Variants in FCHO2 observed in about 807,000 individuals in gnomAD.
FCHO2 encodes FCH and mu domain containing endocytic adaptor 2, also known as F-BAR domain only protein 2.
Under a neutral mutation model 114.1 loss-of-function variants are expected in FCHO2, and 43 were observed. The ratio of observed to expected loss-of-function variants is 0.38; its 90% CI spans 0.30 to 0.49. FCHO2 has a LOEUF of 0.49. Among genes scored for constraint, FCHO2 ranks in the 20% least tolerant of loss-of-function variants. The probability of loss-of-function intolerance (pLI) is 0.97; values close to 1 mark genes in which losing one functional copy is unlikely to be tolerated. For synonymous variants in FCHO2, 293 were observed against 315.2 expected (o/e 0.93, Z 0.75); for missense variants, 807 against 950.4 (o/e 0.85, Z 1.98).
At chr5:72,977,858 A>G (rs1752971134) in intron 2 of FCHO2, among the ~76,000 whole-genome samples, 1 of 152,170 alleles carries the variant, frequency 6.6e-6, no homozygotes, top group Non-Finnish European at 1.5e-5. Flanking sequence ...TTTTCCCAAC[A>G]CCATTTATTA....
intron 1 of FCHO2, among the ~76,000 whole-genome samples, chr5:72,957,021 T>C (rs1185751721): frequency 2.0e-5 from 3 of 152,214 alleles, no homozygotes; most frequent in Non-Finnish European, 2.9e-5. Flanking sequence ...TCCATTTTCG[T>C]TGAGATTTAG....
intron 2 of FCHO2, among the ~76,000 whole-genome samples, chr5:72,983,135 A>G (rs1407794885): frequency 6.6e-6 from 1 of 152,006 alleles, no homozygotes; most frequent in East Asian, 1.9e-4. Flanking sequence ...GATGGTCTCG[A>G]TCTCTTGACC....
At chr5:72,966,556 G>T (rs1191556570) in intron 1 of FCHO2, among the ~76,000 whole-genome samples, 1 of 152,190 alleles carries the variant, frequency 6.6e-6, no homozygotes, top group Non-Finnish European at 1.5e-5. Context: ...AATGGAAATG[G>T]TTATTCAAAA....
At position 73,041,185 on chromosome 5, in the gene FCHO2, G is replaced by T. The variant is rs191783066; in HGVS notation, c.915-106G>T. The T allele has an allele frequency of 2.0e-4, 135 of 673,606 alleles. 1 individual carries two copies. In the Admixed American group the frequency reaches 2.4e-3, roughly 12 times the overall value. The allele number at this position is 673,606 out of a possible 1,614,324, so 41.7% of individuals were successfully genotyped here. On this transcript the variant is annotated intron_variant, in intron 10 of 25. Coordinates refer to ENST00000430046, the MANE Select transcript of FCHO2 (RefSeq NM_138782.3). ...TTGATTTCTCTGAATATTTTTTGTA[G>T]AGTTTAAATAAAAGCTATATTTAAG...
chr5:73,013,509 C>T (rs1305845110), intron 6 of FCHO2, among the ~76,000 whole-genome samples: 3 of 152,132 alleles, frequency 2.0e-5, no homozygotes, highest in East Asian at 1.9e-4. Context: ...ATGGGTAGCT[C>T]AGCATTTCCC....
intron 15 of FCHO2, chr5:73,055,185 T>G: frequency 4.3e-6 from 1 of 232,686 alleles, no homozygotes; most frequent in Non-Finnish European, 9.2e-6. Context: ...TTTAAAGAAA[T>G]GTTGATTGTA....
intron 8 of FCHO2, among the ~76,000 whole-genome samples, chr5:73,030,375 C>A (rs1288596378): frequency 6.6e-6 from 1 of 152,084 alleles, no homozygotes; most frequent in Non-Finnish European, 1.5e-5. Flanking sequence ...GGGTGGATAC[C>A]ACTATATTTT....
At chr5:73,050,875 G>A (rs1471568990) in intron 11 of FCHO2, among the ~76,000 whole-genome samples, 45 of 152,116 alleles carry the variant, frequency 3.0e-4, no homozygotes, top group Admixed American at 2.9e-3. Context: ...GACATTGATG[G>A]TTTGTCTTAG....
intron 1 of FCHO2, among the ~76,000 whole-genome samples, chr5:72,963,248 A>G (rs1054549913): frequency 5.3e-5 from 8 of 152,186 alleles, no homozygotes; most frequent in Non-Finnish European, 1.2e-4. Context: ...GTGGTGGTGG[A>G]GCCTTAAAAC....
chr5:73,020,779 C>T lies in FCHO2; in HGVS notation c.796+3471C>T, dbSNP rs1003327990. 52 of 982,230 alleles carry T rather than the reference C, an allele frequency of 5.3e-5. 1 individual carries two copies. The highest frequency in any genetic ancestry group is 7.6e-5 in the Non-Finnish European group (46 of 604,658). The allele number at this position is 982,230 out of a possible 1,614,324, so 60.8% of individuals were successfully genotyped here. A position where few individuals can be genotyped will look rare whatever the true frequency, so the allele number is the denominator to read the frequency against. Reference sequence around the variant, plus strand: ...AACAAATTCTGTGAGAGATATGGCACTGTCCCCATCCTGATCAGCCTCTTG... The same window carrying T: ...AACAAATTCTGTGAGAGATATGGCATTGTCCCCATCCTGATCAGCCTCTTG... On this transcript the variant is annotated intron_variant, in intron 8 of 25. Coordinates refer to ENST00000430046, the MANE Select transcript of FCHO2 (RefSeq NM_138782.3).
chr5:72,971,617 G>A (rs1341822659), intron 2 of FCHO2, among the ~76,000 whole-genome samples: 1 of 152,068 alleles, frequency 6.6e-6, no homozygotes, highest in Non-Finnish European at 1.5e-5. Context: ...TGTCAGATGA[G>A]TAGGTTGTGA....
chr5:72,956,597 A>G (rs922061437), intron 1 of FCHO2, among the ~76,000 whole-genome samples: 1 of 151,828 alleles, frequency 6.6e-6, no homozygotes, highest in Non-Finnish European at 1.5e-5. Context: ...GATCCCTTTT[A>G]CCTCTGACGG....
chr5:72,986,568 C>T (rs979654731), intron 2 of FCHO2, among the ~76,000 whole-genome samples: 28 of 152,296 alleles, frequency 1.8e-4, no homozygotes, highest in Non-Finnish European at 5.9e-5. Context: ...TAATGCTTTT[C>T]AGTTACCTTG....
chr5:73,021,238 A>G (rs2112758362), intron 8 of FCHO2: 1 of 659,000 alleles, frequency 1.5e-6, no homozygotes, highest in Non-Finnish European at 2.9e-6. Context: ...TTATCTCCTC[A>G]AGCTCTTCAT....
At chr5:72,997,165 C>G (rs1480287847) in intron 5 of FCHO2, 1 of 1,114,490 alleles carries the variant, frequency 9.0e-7, no homozygotes, top group Admixed American at 1.7e-5. Flanking sequence ...GGCTCACAGT[C>G]TGGCCTGGAA....
intron 17 of FCHO2, among the ~76,000 whole-genome samples, chr5:73,060,893 C>T (rs918476246): frequency 6.6e-6 from 1 of 151,576 alleles, no homozygotes; most frequent in East Asian, 1.9e-4. Flanking sequence ...ATATAAACAT[C>T]GATATGTGTA....
chr5:73,072,255 CAA>C lies in FCHO2; in HGVS notation c.1580-2485_1580-2484del, dbSNP rs1742692295. 2.0e-5 allele frequency among the ~76,000 whole-genome samples: 3 copies of C among 151,996 alleles called. No individual in the cohort carries two copies. In the South Asian group the frequency reaches 6.2e-4, roughly 32 times the overall value. The stretch of plus-strand genomic sequence containing the variant: ...TTTTAATAAAATAGTATTACAATAA[CAA>C]ATGTTGGTGAGGATGTGGAGAAACT... On this transcript the variant is annotated intron_variant, in intron 19 of 25. Transcript: ENST00000430046.
At chr5:72,981,413 TTA>T (rs1753203627) in intron 2 of FCHO2, among the ~76,000 whole-genome samples, 25 of 152,194 alleles carry the variant, frequency 1.6e-4, no homozygotes, top group Admixed American at 1.6e-3. Context: ...AATCTGACAA[TTA>T]CGTGTCTTGG....
At chr5:73,050,506 A>G (rs894884482) in intron 11 of FCHO2, among the ~76,000 whole-genome samples, 26 of 151,922 alleles carry the variant, frequency 1.7e-4, no homozygotes, top group African/African-American at 5.3e-4. Context: ...TTTAGTAGAG[A>G]TGGAGTTTCA....
Sources: gnomAD v4.1 joint callset for allele counts (sites outside exome capture counted in the v4.1 genomes callset) on GRCh38, gnomAD v4.1.1 for gene constraint, MANE v1.5 for transcripts, NCBI Gene and HGNC (gene_info 2026-07-23, HGNC 2026-07-21) for gene names.